The following KIAA1217 variants were observed in gnomAD, a reference collection of about 807,000 sequenced individuals.
KIAA1217 encodes the protein KIAA1217, also known as sickle tail protein homolog.
A neutral mutation model predicts 163.9 loss-of-function variants in KIAA1217; 88 were observed. The ratio of observed to expected loss-of-function variants is 0.54; its 90% CI spans 0.45 to 0.64. KIAA1217 has a LOEUF of 0.64. KIAA1217 is among the 30% of genes least tolerant of loss of function. The pLI, the probability that KIAA1217 is intolerant of heterozygous loss-of-function variation, is 0.00. For missense variants in KIAA1217, 2,372 were observed against 2,475.0 expected (o/e 0.96, Z 0.88); for synonymous variants, 903 against 923.1 (o/e 0.98, Z 0.39).
At chr10:23,848,270 TA>T (rs1391350198) in intron 1 of KIAA1217, among the ~76,000 whole-genome samples, 1 of 152,110 alleles carries the variant, frequency 6.6e-6, no homozygotes, top group African/African-American at 2.4e-5. Flanking sequence ...TTATCCTTGT[TA>T]ATTTTCTGTC....
chr10:24,275,263 T>C (rs1035293172), intron 2 of KIAA1217, among the ~76,000 whole-genome samples: 4 of 152,206 alleles, frequency 2.6e-5, no homozygotes, highest in African/African-American at 9.6e-5. Flanking sequence ...ATTTCAGGCA[T>C]GAGCCACTGC....
intron 1 of KIAA1217, among the ~76,000 whole-genome samples, chr10:24,002,912 C>G (rs984097181): frequency 7.2e-5 from 11 of 152,190 alleles, no homozygotes; most frequent in African/African-American, 2.4e-4. Context: ...ACTTGATTTT[C>G]CATTCCTGAG....
At chr10:24,523,823 A>G (rs964776212) in intron 12 of KIAA1217, among the ~76,000 whole-genome samples, 5 of 152,190 alleles carry the variant, frequency 3.3e-5, no homozygotes, top group South Asian at 2.1e-4. Flanking sequence ...GACTCCAAAC[A>G]CCAGAGGAAG....
chr10:23,919,708 G>T (rs2131288603), intron 1 of KIAA1217, among the ~76,000 whole-genome samples: 2 of 150,848 alleles, frequency 1.3e-5, no homozygotes, highest in Admixed American at 1.3e-4. Context: ...TGCAGGCACT[G>T]TCTTATGCTC....
In KIAA1217 at chr10:24,540,769, A is replaced by G. The variant is rs560334274; in HGVS notation, c.3535-1924A>G. Among the ~76,000 whole-genome samples the G allele has an allele frequency of 5.9e-5, 9 of 152,124 alleles. No individual in the cohort carries two copies. The South Asian group carries it at 1.2e-3, about 21-fold the overall frequency. ...TTTTTTTAAATTCATTTACATATAT[A>G]TATACATATATTTTGAGACAGAACC... On this transcript the variant is annotated intron_variant, in intron 17 of 20. Coordinates refer to ENST00000376454, the MANE Select transcript of KIAA1217 (RefSeq NM_019590.5).
chr10:24,267,680 T>G (rs2131873106), intron 2 of KIAA1217, among the ~76,000 whole-genome samples: 1 of 152,310 alleles, frequency 6.6e-6, no homozygotes, highest in Middle Eastern at 3.4e-3. Flanking sequence ...ATAGACTTTT[T>G]TAGAGTGTTC....
At chr10:24,442,354 GT>G (rs1327755393) in intron 5 of KIAA1217, among the ~76,000 whole-genome samples, 1 of 151,978 alleles carries the variant, frequency 6.6e-6, no homozygotes, top group African/African-American at 2.4e-5. Flanking sequence ...GAGTTTATTT[GT>G]TTTGTTTTTT....
intron 1 of KIAA1217, among the ~76,000 whole-genome samples, chr10:23,723,177 C>A (rs1837958504): frequency 6.6e-6 from 1 of 152,116 alleles, no homozygotes. Flanking sequence ...CTGCTTGACT[C>A]TCCTATAGCA....
chr10:24,296,061 G>A (rs964894952), intron 2 of KIAA1217, among the ~76,000 whole-genome samples: 1 of 152,114 alleles, frequency 6.6e-6, no homozygotes, highest in Non-Finnish European at 1.5e-5. Context: ...AAAGCAGACT[G>A]TCAGCCCCCA....
At chr10:23,935,448 C>T (rs1589108793) in intron 1 of KIAA1217, among the ~76,000 whole-genome samples, 3 of 152,184 alleles carry the variant, frequency 2.0e-5, no homozygotes, top group Non-Finnish European at 2.9e-5. Flanking sequence ...CGACATTTAT[C>T]GGCTCTGATT....
intron 2 of KIAA1217, among the ~76,000 whole-genome samples, chr10:24,168,183 T>A (rs1406634766): frequency 1.3e-5 from 2 of 152,186 alleles, no homozygotes; most frequent in Non-Finnish European, 2.9e-5. Flanking sequence ...CTAAAAATTA[T>A]AAGATTTGAA....
intron 1 of KIAA1217, among the ~76,000 whole-genome samples, chr10:23,932,392 T>C (rs1035125698): frequency 7.3e-5 from 11 of 151,534 alleles, no homozygotes; most frequent in African/African-American, 2.4e-4. Context: ...AATGTACAAA[T>C]TGAACCAGAA....
intron 1 of KIAA1217, among the ~76,000 whole-genome samples, chr10:23,983,250 G>C (rs576929091): frequency 5.9e-5 from 9 of 152,120 alleles, no homozygotes; most frequent in Non-Finnish European, 1.0e-4. Flanking sequence ...TCATAGCAGA[G>C]GAAGTAAAAA....
intron 2 of KIAA1217, among the ~76,000 whole-genome samples, chr10:24,013,072 T>C (rs892598602): frequency 2.0e-5 from 3 of 152,170 alleles, no homozygotes; most frequent in African/African-American, 7.2e-5. Context: ...CAAAGTACAT[T>C]GTAAACAAGT....
chr10:23,877,137 TAATG>T (rs1840735336), intron 1 of KIAA1217, among the ~76,000 whole-genome samples: 1 of 151,992 alleles, frequency 6.6e-6, no homozygotes, highest in Non-Finnish European at 1.5e-5. Flanking sequence ...TTTCTTTGGC[TAATG>T]AATGGATTGC....
At chr10:24,001,620 G>A (rs1846747602) in intron 1 of KIAA1217, among the ~76,000 whole-genome samples, 1 of 152,184 alleles carries the variant, frequency 6.6e-6, no homozygotes, top group Non-Finnish European at 1.5e-5. Context: ...TTATAGATGA[G>A]GAAACAGTCT....
chr10:24,325,285 G>A (rs772596579), intron 2 of KIAA1217, among the ~76,000 whole-genome samples: 2 of 152,238 alleles, frequency 1.3e-5, no homozygotes, highest in African/African-American at 2.4e-5. Flanking sequence ...TTGATTTCAA[G>A]GAGGGAAACT....
At chr10:24,372,616 C>T (rs568748525) in intron 2 of KIAA1217, among the ~76,000 whole-genome samples, 5 of 152,132 alleles carry the variant, frequency 3.3e-5, no homozygotes, top group Non-Finnish European at 7.3e-5. Flanking sequence ...AACAAACCTG[C>T]ACGCCAAAAT....
intron 1 of KIAA1217, among the ~76,000 whole-genome samples, chr10:23,996,578 C>A (rs1381792781): frequency 6.6e-6 from 1 of 152,142 alleles, no homozygotes; most frequent in African/African-American, 2.4e-5. Context: ...TCCACTGTTT[C>A]ACTTGAAACT....
Sources: gnomAD v4.1 joint callset for allele counts (sites outside exome capture counted in the v4.1 genomes callset) on GRCh38, gnomAD v4.1.1 for gene constraint, MANE v1.5 for transcripts, NCBI Gene and HGNC (gene_info 2026-07-23, HGNC 2026-07-21) for gene names.